The following ADAMTS3 variants were observed in gnomAD, a reference collection of about 807,000 sequenced individuals.
ADAMTS3 encodes the protein ADAM metallopeptidase with thrombospondin type 1 motif 3, also known as A disintegrin and metalloproteinase with thrombospondin motifs 3.
A neutral mutation model predicts 129.0 loss-of-function variants in ADAMTS3; 73 were observed. The ratio of observed to expected loss-of-function variants is 0.57; its 90% CI spans 0.47 to 0.69. ADAMTS3 has a LOEUF of 0.69. Among genes scored for constraint, ADAMTS3 ranks in the 30% least tolerant of loss-of-function variants. ADAMTS3 has a pLI of 0.00. For missense variants in ADAMTS3, 1,457 were observed against 1,514.5 expected (o/e 0.96, Z 0.63); for synonymous variants, 477 against 510.8 (o/e 0.93, Z 0.89).
chr4:72,559,190 T>C (rs1249969415), intron 2 of ADAMTS3, among the ~76,000 whole-genome samples: 1 of 151,792 alleles, frequency 6.6e-6, no homozygotes, highest in Non-Finnish European at 1.5e-5. Context: ...ATCAATTTTG[T>C]TTTCCTTAAC....
In ADAMTS3 at chr4:72,521,910, A is replaced by C. The variant is rs183651120; in HGVS notation, c.504+26568T>G. On this transcript the variant is annotated intron_variant, in intron 3 of 21. Transcript: ENST00000286657. ...CATTTAACTAAGTACTGCTCTACTT[A>C]GATCACTGGAATAAGATCAGAATAT... is the stretch of plus-strand genomic sequence containing the variant. Among the ~76,000 whole-genome samples, 881 of 152,348 alleles carry C rather than the reference A, an allele frequency of 5.8e-3. 2 individuals carry two copies. Among genetic ancestry groups the C allele is most frequent in the African/African-American group, 0.02 (846 of 41,594 alleles).
rs748864637 is a variant in ADAMTS3, at chr4:72,298,309, C to T, written c.2558G>A (p.Ser853Asn). ...ELDTFEWALK[S>N]WSQCSKPCGG... The stretch of plus-strand genomic sequence containing the variant: ...ACAGGGTTTGGAACACTGAGACCAG[C>T]TCTTCAAAGCCCACTCAAAAGTATC... Residue 853 changes from serine (S) to asparagine (N), a missense_variant, in exon 18 of 22, where the codon AGC becomes AAC. Physicochemically the swap from Ser to Asn is conservative, Grantham distance 46 (BLOSUM62 1). Coordinates refer to ENST00000286657, the MANE Select transcript of ADAMTS3 (RefSeq NM_014243.3). 1.9e-6 allele frequency: 3 copies of T among 1,612,952 alleles called. No homozygotes were observed. Among genetic ancestry groups the T allele is most frequent in the Non-Finnish European group, 2.5e-6 (3 of 1,179,224 alleles).
At chr4:72,386,169 T>C (rs995708378) in intron 4 of ADAMTS3, among the ~76,000 whole-genome samples, 4 of 152,140 alleles carry the variant, frequency 2.6e-5, no homozygotes, top group African/African-American at 9.7e-5. Context: ...CTTGGTAAAC[T>C]CTTCAAAATG....
At chr4:72,402,004 GTTA>G (rs1187996969) in intron 4 of ADAMTS3, among the ~76,000 whole-genome samples, 2 of 152,164 alleles carry the variant, frequency 1.3e-5, no homozygotes, top group African/African-American at 2.4e-5. Context: ...CATTGAATTA[GTTA>G]TTATGAAAAC....
chr4:72,369,057 T>C (rs1481370752), intron 4 of ADAMTS3, among the ~76,000 whole-genome samples: 1 of 152,166 alleles, frequency 6.6e-6, no homozygotes, highest in Non-Finnish European at 1.5e-5. Flanking sequence ...TAGAACATAG[T>C]TGGTACAAAA....
chr4:72,553,387 C>G (rs1218532801), intron 2 of ADAMTS3, among the ~76,000 whole-genome samples: 2 of 152,168 alleles, frequency 1.3e-5, no homozygotes, highest in Admixed American at 6.5e-5. Flanking sequence ...TTAGCCCCCA[C>G]TCTGCCATCT....
chr4:72,384,719 C>T (rs1721390710), intron 4 of ADAMTS3, among the ~76,000 whole-genome samples: 1 of 151,976 alleles, frequency 6.6e-6, no homozygotes, highest in East Asian at 1.9e-4. Flanking sequence ...ATCAGATGTC[C>T]AGGAAACAAT....
At chr4:72,471,851 C>A (rs894292400) in intron 3 of ADAMTS3, among the ~76,000 whole-genome samples, 12 of 151,882 alleles carry the variant, frequency 7.9e-5, no homozygotes, top group Admixed American at 6.6e-4. Flanking sequence ...TAGATATAAT[C>A]TATATAAACA....
chr4:72,483,293 G>T (rs923266836), intron 3 of ADAMTS3, among the ~76,000 whole-genome samples: 4 of 152,078 alleles, frequency 2.6e-5, no homozygotes, highest in African/African-American at 9.7e-5. Context: ...CAGGATGCAA[G>T]GGAATATACA....
intron 3 of ADAMTS3, among the ~76,000 whole-genome samples, chr4:72,500,110 A>G (rs1250108028): frequency 1.3e-5 from 2 of 152,160 alleles, no homozygotes; most frequent in South Asian, 2.1e-4. Flanking sequence ...TCTTCTTGGT[A>G]GAATGATTTA....
intron 18 of ADAMTS3, among the ~76,000 whole-genome samples, chr4:72,296,698 T>C (rs1035889270): frequency 1.3e-5 from 2 of 152,030 alleles, no homozygotes; most frequent in South Asian, 4.1e-4. Context: ...CATTCTCTTA[T>C]ATAACTATAA....
In ADAMTS3 at chr4:72,337,991, G is replaced by A. The variant is rs1055447655; in HGVS notation, c.861+1503C>T. ...GTAGCCCAGGGACATAATGAATGAC[G>A]TAAGAATAACATCTCCATAGGAAGT... On this transcript the variant is annotated intron_variant, in intron 5 of 21. Coordinates refer to ENST00000286657, the MANE Select transcript of ADAMTS3 (RefSeq NM_014243.3). 4.6e-5 allele frequency among the ~76,000 whole-genome samples: 7 copies of A among 152,010 alleles called. No individual in the cohort carries two copies. In the South Asian group the frequency reaches 6.2e-4, roughly 13 times the overall value.
chr4:72,323,023 T>C lies in ADAMTS3; in HGVS notation c.936A>G (p.Gly312=). ...TTTTAAGACATTTTACCTTTGCATA[T>C]CCCAGCATTATCATGCGCACCAGGA... is the stretch of plus-strand genomic sequence containing the variant. The part of the protein sequence containing the change: ...NVVLVRMIML[G]YAKSISLIER... The change falls in exon 6 of 22, where the codon GGA becomes GGG. Residue 312 remains glycine (G), a synonymous_variant. Coordinates refer to ENST00000286657, the MANE Select transcript of ADAMTS3 (RefSeq NM_014243.3). 1 of 1,612,824 alleles carries C rather than the reference T, an allele frequency of 6.2e-7. No homozygotes were observed. The highest frequency in any genetic ancestry group is 8.5e-7 in the Non-Finnish European group (1 of 1,179,024).
intron 3 of ADAMTS3, among the ~76,000 whole-genome samples, chr4:72,504,565 G>A (rs1720107728): frequency 6.6e-6 from 1 of 152,000 alleles, no homozygotes; most frequent in African/African-American, 2.4e-5. Flanking sequence ...GTTTTGTATA[G>A]TATTTCATAG....
At chr4:72,532,233 A>C (rs570368675) in intron 3 of ADAMTS3, among the ~76,000 whole-genome samples, 4 of 152,260 alleles carry the variant, frequency 2.6e-5, no homozygotes, top group Admixed American at 2.0e-4. Flanking sequence ...CTAAATCAGA[A>C]ACTCTGAGGT....
At chr4:72,372,547 T>C (rs1721035483) in intron 4 of ADAMTS3, among the ~76,000 whole-genome samples, 2 of 151,966 alleles carry the variant, frequency 1.3e-5, no homozygotes, top group African/African-American at 2.4e-5. Context: ...TATTAAGTAA[T>C]AAACTTACAA....
At chr4:72,284,630 T>C (rs1355875761) in intron 21 of ADAMTS3, among the ~76,000 whole-genome samples, 1 of 152,206 alleles carries the variant, frequency 6.6e-6, no homozygotes, top group Non-Finnish European at 1.5e-5. Context: ...AAAGGATACT[T>C]AGTAACACTC....
intron 11 of ADAMTS3, among the ~76,000 whole-genome samples, chr4:72,314,837 A>G (rs1719348376): frequency 6.6e-6 from 1 of 152,192 alleles, no homozygotes; most frequent in South Asian, 2.1e-4. Context: ...AGTACAGTTT[A>G]TACACATTTG....
At chr4:72,343,835 T>C (rs1348042662) in intron 4 of ADAMTS3, among the ~76,000 whole-genome samples, 2 of 152,200 alleles carry the variant, frequency 1.3e-5, no homozygotes, top group African/African-American at 2.4e-5. Flanking sequence ...ATGCTCACAG[T>C]GCCTTTTAAG....
Sources: allele counts gnomAD v4.1 joint callset (sites outside exome capture counted in the v4.1 genomes callset), GRCh38; gene constraint gnomAD v4.1.1; transcripts MANE v1.5; gene names NCBI Gene and HGNC (gene_info 2026-07-23, HGNC 2026-07-21).